The following SPAG16 variants were observed in gnomAD, a reference collection of about 807,000 sequenced individuals.
SPAG16 encodes sperm-associated antigen 16 protein.
In SPAG16, 86 loss-of-function variants were observed where a neutral mutation model predicts 80.4. That is an observed-to-expected ratio of 1.07 (90% CI 0.90 to 1.28). SPAG16 has a LOEUF of 1.28. Among genes scored for constraint, SPAG16 ranks in the 50% most tolerant of loss-of-function variants. SPAG16 has a pLI of 0.00. For synonymous variants in SPAG16, 294 were observed against 265.9 expected (o/e 1.11, Z -1.03); for missense variants, 870 against 765.3 (o/e 1.14, Z -1.61).
At chr2:214,407,566 A>G (rs1702061733) in intron 15 of SPAG16, among the ~76,000 whole-genome samples, 2 of 152,076 alleles carry the variant, frequency 1.3e-5, no homozygotes, top group Non-Finnish European at 2.9e-5. Flanking sequence ...ATGACAAGTG[A>G]TTTGCAGTGT....
Position 214,121,998 on chromosome 2 carries a change from T to C in SPAG16, c.1593+13737T>C, listed in dbSNP as rs1162456031. On this transcript the variant is annotated intron_variant, in intron 14 of 15. Coordinates refer to ENST00000331683, the MANE Select transcript of SPAG16 (RefSeq NM_024532.5). ...TATAAGGCATACTCAACCTGTACTA[T>C]TGTTAATGGAGATAATGTTCCTTTC... is the stretch of plus-strand genomic sequence containing the variant. Among the ~76,000 whole-genome samples the C allele has an allele frequency of 4.6e-5, 7 of 151,902 alleles. No homozygotes were observed. The East Asian group carries it at 1.4e-3, about 29-fold the overall frequency.
intron 11 of SPAG16, among the ~76,000 whole-genome samples, chr2:213,865,663 C>G (rs1222357027): frequency 6.8e-6 from 1 of 147,890 alleles, no homozygotes; most frequent in Non-Finnish European, 1.5e-5. Context: ...ATGAAAACTT[C>G]TGAACTTATA....
At chr2:213,697,242 G>A (rs2065194783) in intron 10 of SPAG16, among the ~76,000 whole-genome samples, 1 of 152,136 alleles carries the variant, frequency 6.6e-6, no homozygotes, top group South Asian at 2.1e-4. Flanking sequence ...AGGGCTGGAG[G>A]CCACTACACA....
chr2:214,292,506 A>AT (rs938076371), intron 15 of SPAG16, among the ~76,000 whole-genome samples: 13 of 151,738 alleles, frequency 8.6e-5, no homozygotes, highest in South Asian at 2.1e-4. Context: ...AGTATTTCTG[A>AT]TTTTTTTTAA....
chr2:214,358,967 A>G (rs1698997743), intron 15 of SPAG16, among the ~76,000 whole-genome samples: 1 of 151,904 alleles, frequency 6.6e-6, no homozygotes, highest in South Asian at 2.1e-4. Context: ...TTTCCTTCTA[A>G]AAAATTACTG....
intron 14 of SPAG16, among the ~76,000 whole-genome samples, chr2:214,125,760 C>T (rs182109715): frequency 2.0e-5 from 3 of 151,684 alleles, no homozygotes; most frequent in South Asian, 4.1e-4. Flanking sequence ...AGTCCTGTAA[C>T]AAAAGACAGG....
chr2:214,024,674 G>T (rs953738921), intron 13 of SPAG16, among the ~76,000 whole-genome samples: 7 of 151,520 alleles, frequency 4.6e-5, no homozygotes, highest in African/African-American at 1.5e-4. Context: ...GAAATTATAT[G>T]AATAGAAGGT....
intron 15 of SPAG16, among the ~76,000 whole-genome samples, chr2:214,370,270 T>C (rs1699727451): frequency 6.6e-6 from 1 of 152,056 alleles, no homozygotes; most frequent in South Asian, 2.1e-4. Context: ...TTCAGTAGAG[T>C]TGTTTTTAGA....
rs552903089 is a variant in SPAG16 at position 214,213,494 on chromosome 2, G to T, written c.1720+64228G>T. ...CTAGAATTCTTCCCTGAACCCAAGGGAGCAAGCATAGGTTTTGTGGCAATC... is the reference window on the plus strand; with the variant it reads ...CTAGAATTCTTCCCTGAACCCAAGGTAGCAAGCATAGGTTTTGTGGCAATC... On this transcript the variant is annotated intron_variant, in intron 15 of 15. Coordinates refer to ENST00000331683, the MANE Select transcript of SPAG16 (RefSeq NM_024532.5). Among the ~76,000 whole-genome samples, 3 of 152,304 alleles carry T rather than the reference G, an allele frequency of 2.0e-5. No individual in the cohort carries two copies. In the East Asian group the frequency reaches 5.8e-4, roughly 29 times the overall value.
chr2:213,511,157 G>A (rs2075210139), intron 10 of SPAG16, among the ~76,000 whole-genome samples: 1 of 123,152 alleles, frequency 8.1e-6, no homozygotes, highest in South Asian at 2.4e-4. Context: ...TATCCTGTTG[G>A]TATTCAGATT....
chr2:213,723,566 C>T (rs1487399438), intron 10 of SPAG16, among the ~76,000 whole-genome samples: 2 of 152,190 alleles, frequency 1.3e-5, no homozygotes, highest in African/African-American at 4.8e-5. Context: ...AGGATGCAAG[C>T]ACTCAAGAAA....
At chr2:214,222,056 C>T (rs1448513099) in intron 15 of SPAG16, among the ~76,000 whole-genome samples, 2 of 148,992 alleles carry the variant, frequency 1.3e-5, no homozygotes, top group South Asian at 2.1e-4. Context: ...CATGGTACAT[C>T]TATCTCACAG....
chr2:214,404,022 G>A (rs2126150788), intron 15 of SPAG16, among the ~76,000 whole-genome samples: 1 of 152,278 alleles, frequency 6.6e-6, no homozygotes, highest in East Asian at 1.9e-4. Context: ...CATGAGGACA[G>A]CTAGGAAAAA....
chr2:213,552,240 C>A (rs2076800300), intron 10 of SPAG16, among the ~76,000 whole-genome samples: 1 of 152,166 alleles, frequency 6.6e-6, no homozygotes, highest in Non-Finnish European at 1.5e-5. Flanking sequence ...CCCCATAAAT[C>A]ATGGAAATGA....
rs1477661581 is a variant in SPAG16 at position 213,526,461 on chromosome 2, A to G, written c.1070+36371A>G. 2.6e-5 allele frequency among the ~76,000 whole-genome samples: 4 copies of G among 152,178 alleles called. No homozygotes were observed. In the East Asian group the frequency reaches 7.7e-4, roughly 29 times the overall value. The stretch of plus-strand genomic sequence containing the variant: ...AACTTATTTTAATCAAATTGGTTTC[A>G]TCTTCTTTCCCCCTTGGAGATAGAG... On this transcript the variant is annotated intron_variant, in intron 10 of 15. Coordinates refer to ENST00000331683, the MANE Select transcript of SPAG16 (RefSeq NM_024532.5).
At chr2:214,065,307 G>C (rs2125200194) in intron 13 of SPAG16, among the ~76,000 whole-genome samples, 1 of 152,124 alleles carries the variant, frequency 6.6e-6, no homozygotes, top group Middle Eastern at 3.4e-3. Flanking sequence ...AAGGGATTTT[G>C]ACCTCAAATC....
At chr2:214,261,058 G>A (rs1022736238) in intron 15 of SPAG16, among the ~76,000 whole-genome samples, 2 of 140,990 alleles carry the variant, frequency 1.4e-5, no homozygotes, top group African/African-American at 5.3e-5. Flanking sequence ...AGTGAGCCGA[G>A]ATCGCGCCAC....
intron 10 of SPAG16, among the ~76,000 whole-genome samples, chr2:213,804,965 A>G (rs1338659225): frequency 6.6e-6 from 1 of 152,212 alleles, no homozygotes; most frequent in Admixed American, 6.5e-5. Context: ...GAAGGGAAGA[A>G]CATAATGAGA....
intron 12 of SPAG16, among the ~76,000 whole-genome samples, chr2:213,976,135 T>TATACACACACACACACACAC (rs749957411): frequency 1.6e-4 from 13 of 81,402 alleles, no homozygotes; most frequent in African/African-American, 4.9e-4. Context: ...TATATATATA[T>TATACACACACACACACACAC]ACACACACAC....
Sources: gnomAD v4.1 joint callset for allele counts (sites outside exome capture counted in the v4.1 genomes callset) on GRCh38, gnomAD v4.1.1 for gene constraint, MANE v1.5 for transcripts, NCBI Gene and HGNC (gene_info 2026-07-23, HGNC 2026-07-21) for gene names.